ADGRB3: variants seen among roughly 807,000 people sequenced by gnomAD.
ADGRB3 encodes brain-specific angiogenesis inhibitor 3.
Under a neutral mutation model 193.4 loss-of-function variants are expected in ADGRB3, and 37 were observed. The ratio of observed to expected loss-of-function variants is 0.19; its 90% CI spans 0.15 to 0.25. The LOEUF is 0.25. ADGRB3 is among the 10% of genes least tolerant of loss of function. The pLI, the probability that ADGRB3 is intolerant of heterozygous loss-of-function variation, is 1.00. For synonymous variants in ADGRB3, 690 were observed against 644.2 expected (o/e 1.07, Z -1.08); for missense variants, 1,637 against 1,852.9 (o/e 0.88, Z 2.14).
intron 3 of ADGRB3, among the ~76,000 whole-genome samples, chr6:68,682,137 T>C (rs1764907690): frequency 6.6e-6 from 1 of 152,210 alleles, no homozygotes; most frequent in Non-Finnish European, 1.5e-5. Context: ...AGCTGAATCT[T>C]TCTTTCCAAA....
intron 15 of ADGRB3, among the ~76,000 whole-genome samples, chr6:69,051,795 C>T (rs528534802): frequency 2.0e-5 from 3 of 152,320 alleles, no homozygotes; most frequent in East Asian, 1.9e-4. Flanking sequence ...TGAGCAGCGT[C>T]CCTGCTAACA....
intron 3 of ADGRB3, among the ~76,000 whole-genome samples, chr6:68,887,181 T>G (rs1765934378): frequency 6.6e-6 from 1 of 151,930 alleles, no homozygotes; most frequent in East Asian, 1.9e-4. Flanking sequence ...GCTTTAAGAT[T>G]TAAAAATATT....
At chr6:69,112,310 G>A (rs1175585652) in intron 17 of ADGRB3, among the ~76,000 whole-genome samples, 1 of 152,098 alleles carries the variant, frequency 6.6e-6, no homozygotes, top group South Asian at 2.1e-4. Context: ...AATAAGTGGA[G>A]GATAAACAGT....
chr6:68,981,845 G>GTTATTTATTTATTTAT (rs3043275), intron 10 of ADGRB3, among the ~76,000 whole-genome samples: 10 of 139,658 alleles, frequency 7.2e-5, no homozygotes, highest in Non-Finnish European at 1.1e-4. Context: ...TACCTATTTT[G>GTTATTTATTTATTTAT]TTATTTATTT....
chr6:69,320,081 T>G (rs561724734), intron 20 of ADGRB3, among the ~76,000 whole-genome samples: 1 of 151,512 alleles, frequency 6.6e-6, no homozygotes, highest in South Asian at 2.1e-4. Context: ...TTTTTGTGGT[T>G]ACTGAACCAT....
intron 17 of ADGRB3, among the ~76,000 whole-genome samples, chr6:69,214,563 C>T (rs931349643): frequency 5.3e-5 from 8 of 151,950 alleles, no homozygotes; most frequent in Admixed American, 5.2e-4. Context: ...GTGATTTTAG[C>T]TGTAAAGACT....
chr6:68,843,704 A>C (rs1002979538), intron 3 of ADGRB3, among the ~76,000 whole-genome samples: 3 of 152,106 alleles, frequency 2.0e-5, no homozygotes, highest in African/African-American at 7.2e-5. Context: ...CAAAAGACTC[A>C]GAATAGCCAA....
chr6:69,288,702 G>T (rs1767603982), intron 20 of ADGRB3, among the ~76,000 whole-genome samples: 1 of 152,142 alleles, frequency 6.6e-6, no homozygotes, highest in African/African-American at 2.4e-5. Flanking sequence ...GTACTTCCTG[G>T]GCAGGTGTGT....
chr6:69,073,568 G>A (rs1325726257), intron 16 of ADGRB3, among the ~76,000 whole-genome samples: 2 of 152,182 alleles, frequency 1.3e-5, no homozygotes, highest in Admixed American at 6.5e-5. Context: ...CCCCCTGGCA[G>A]ACTGAATTCC....
intron 3 of ADGRB3, among the ~76,000 whole-genome samples, chr6:68,687,707 G>A (rs1054630240): frequency 8.6e-5 from 13 of 151,932 alleles, no homozygotes; most frequent in Admixed American, 2.0e-4. Flanking sequence ...CACTAGGAGC[G>A]TCACCTTTCA....
intron 17 of ADGRB3, among the ~76,000 whole-genome samples, chr6:69,147,952 C>T (rs928910236): frequency 2.0e-5 from 3 of 152,084 alleles, no homozygotes; most frequent in African/African-American, 4.8e-5. Context: ...TACAACTACT[C>T]CTTCTCTTTT....
At chr6:68,660,706 T>G (rs1768609369) in intron 3 of ADGRB3, among the ~76,000 whole-genome samples, 1 of 151,158 alleles carries the variant, frequency 6.6e-6, no homozygotes, top group Non-Finnish European at 1.5e-5. Context: ...GCTAAATGCT[T>G]CAATTACATA....
At chr6:68,712,325 C>A (rs1765420636) in intron 3 of ADGRB3, among the ~76,000 whole-genome samples, 2 of 152,116 alleles carry the variant, frequency 1.3e-5, no homozygotes, top group African/African-American at 4.8e-5. Context: ...TCTTGATCGA[C>A]ACCACAGGCA....
At chr6:69,379,999 G>A (rs988920047) in intron 30 of ADGRB3, among the ~76,000 whole-genome samples, 13 of 151,874 alleles carry the variant, frequency 8.6e-5, no homozygotes, top group Admixed American at 2.6e-4. Flanking sequence ...TTGGTGACCA[G>A]CATAACTTTA....
chr6:69,118,333 A>G (rs563991257), intron 17 of ADGRB3, among the ~76,000 whole-genome samples: 1 of 152,304 alleles, frequency 6.6e-6, no homozygotes, highest in South Asian at 2.1e-4. Context: ...AATCCAGTCT[A>G]GCAAGTTTAA....
intron 5 of ADGRB3, among the ~76,000 whole-genome samples, chr6:68,943,470 G>A (rs1767695313): frequency 6.6e-6 from 1 of 152,016 alleles, no homozygotes; most frequent in Admixed American, 6.6e-5. Flanking sequence ...GATTATCTCT[G>A]TTATAAGAGA....
intron 17 of ADGRB3, among the ~76,000 whole-genome samples, chr6:69,155,675 T>C (rs1009004745): frequency 2.6e-5 from 4 of 152,212 alleles, no homozygotes; most frequent in Non-Finnish European, 4.4e-5. Flanking sequence ...GTTGGAGCTG[T>C]TTCTAAAGCA....
At chr6:69,060,487 CT>C in intron 15 of ADGRB3, among the ~76,000 whole-genome samples, 1 of 152,132 alleles carries the variant, frequency 6.6e-6, no homozygotes, top group East Asian at 1.9e-4. Context: ...TTGCAATCTT[CT>C]TTATAGGATA....
chr6:69,000,210 G>A (rs2860121), intron 11 of ADGRB3, among the ~76,000 whole-genome samples: 124,416 of 152,116 alleles, frequency 0.82, 51,108 homozygotes, highest in Middle Eastern at 0.89. Flanking sequence ...AACAAAGAAG[G>A]GATAATAGTC....
Sources: allele counts gnomAD v4.1 joint callset (sites outside exome capture counted in the v4.1 genomes callset), GRCh38; gene constraint gnomAD v4.1.1; transcripts MANE v1.5; gene names NCBI Gene and HGNC (gene_info 2026-07-23, HGNC 2026-07-21).